The following WWOX variants were observed in gnomAD, a reference collection of about 807,000 sequenced individuals.
WWOX encodes WW domain-containing oxidoreductase.
Under a neutral mutation model 46.2 loss-of-function variants are expected in WWOX, and 69 were observed. The observed-to-expected ratio is 1.49, with a 90% CI of 1.23 to 1.82. The LOEUF (loss-of-function observed/expected upper bound fraction) is 1.82. Among genes scored for constraint, WWOX ranks in the 40% most tolerant of loss-of-function variants. WWOX has a pLI of 0.00. For missense variants in WWOX, 919 were observed against 542.6 expected (o/e 1.69, Z -6.89); for synonymous variants, 359 against 202.6 (o/e 1.77, Z -6.56).
chr16:79,081,037 C>T (rs536607324), intron 8 of WWOX, among the ~76,000 whole-genome samples: 5 of 152,252 alleles, frequency 3.3e-5, no homozygotes, highest in Non-Finnish European at 7.4e-5. Flanking sequence ...TTACTTCTCA[C>T]TCATAGATTT....
At chr16:79,090,419 C>A (rs935590281) in intron 8 of WWOX, among the ~76,000 whole-genome samples, 2 of 152,028 alleles carry the variant, frequency 1.3e-5, no homozygotes, top group Non-Finnish European at 2.9e-5. Flanking sequence ...TTCTGGAGGG[C>A]CCTCTATGTG....
At chr16:78,253,227 A>C (rs1246447798) in intron 5 of WWOX, among the ~76,000 whole-genome samples, 1 of 152,154 alleles carries the variant, frequency 6.6e-6, no homozygotes, top group Non-Finnish European at 1.5e-5. Flanking sequence ...CCTGCTTCTA[A>C]AGTTATAAGT....
intron 8 of WWOX, among the ~76,000 whole-genome samples, chr16:79,080,640 G>T (rs529978163): frequency 6.6e-6 from 1 of 152,174 alleles, no homozygotes; most frequent in East Asian, 1.9e-4. Context: ...ATTTGGTCCA[G>T]TCATCTGTAT....
chr16:79,039,279 C>T (rs925836329), intron 8 of WWOX, among the ~76,000 whole-genome samples: 7 of 152,112 alleles, frequency 4.6e-5, no homozygotes, highest in Admixed American at 4.6e-4. Context: ...AAGCCATTAA[C>T]CTCTCTGCGC....
intron 8 of WWOX, among the ~76,000 whole-genome samples, chr16:79,117,760 G>A (rs867246969): frequency 1.3e-5 from 2 of 152,186 alleles, no homozygotes; most frequent in East Asian, 1.9e-4. Flanking sequence ...TTATGGAGAC[G>A]GCTTTCTTCC....
chr16:78,952,452 A>G (rs1162304759), intron 8 of WWOX, among the ~76,000 whole-genome samples: 1 of 148,170 alleles, frequency 6.7e-6, no homozygotes, highest in African/African-American at 2.5e-5. Flanking sequence ...GCACGATCTT[A>G]GCTCACTGCA....
intron 8 of WWOX, among the ~76,000 whole-genome samples, chr16:78,821,432 G>A (rs12443743): frequency 0.16 from 23,892 of 151,950 alleles, 1,970 homozygotes; most frequent in Admixed American, 0.23. Flanking sequence ...TTGAAAACCC[G>A]GTGGCTAATA....
At chr16:78,278,704 T>A (rs752644285) in intron 5 of WWOX, 1 of 1,539,862 alleles carries the variant, frequency 6.5e-7, no homozygotes, top group Admixed American at 1.7e-5. Flanking sequence ...ATCAATTACA[T>A]CTTCTTTTGT....
intron 4 of WWOX, among the ~76,000 whole-genome samples, chr16:78,150,174 C>G (rs1428116625): frequency 6.6e-6 from 1 of 152,134 alleles, no homozygotes; most frequent in Non-Finnish European, 1.5e-5. Flanking sequence ...GCTATAATGG[C>G]TCATAAAACT....
intron 8 of WWOX, among the ~76,000 whole-genome samples, chr16:79,133,943 C>A (rs1461516457): frequency 6.6e-6 from 1 of 152,046 alleles, no homozygotes; most frequent in South Asian, 2.1e-4. Context: ...TCAGTGAATT[C>A]AGGCAAGTCC....
intron 5 of WWOX, among the ~76,000 whole-genome samples, chr16:78,202,317 T>C (rs922787559): frequency 1.3e-4 from 20 of 152,198 alleles, no homozygotes; most frequent in African/African-American, 4.8e-4. Context: ...GAATGAAGGG[T>C]GGTTCTCCAA....
At chr16:78,427,773 A>G (rs547619296) in intron 7 of WWOX, among the ~76,000 whole-genome samples, 27 of 149,840 alleles carry the variant, frequency 1.8e-4, no homozygotes, top group African/African-American at 6.4e-4. Context: ...GTGAGACCCC[A>G]TCTCTAAAAT....
chr16:79,102,050 G>A (rs112570944), intron 8 of WWOX, among the ~76,000 whole-genome samples: 1 of 125,974 alleles, frequency 7.9e-6, no homozygotes, highest in African/African-American at 3.0e-5. Flanking sequence ...GGGGGGCAGG[G>A]AGTAGGGGGG....
At chr16:78,928,752 T>C (rs1290034130) in intron 8 of WWOX, among the ~76,000 whole-genome samples, 1 of 152,176 alleles carries the variant, frequency 6.6e-6, no homozygotes, top group African/African-American at 2.4e-5. Flanking sequence ...TTGCTGTGTT[T>C]CTGTGATGTG....
chr16:78,648,886 C>T (rs968947792), intron 8 of WWOX, among the ~76,000 whole-genome samples: 8 of 152,200 alleles, frequency 5.3e-5, no homozygotes, highest in African/African-American at 1.9e-4. Context: ...TTTATTTTTA[C>T]ACTAGCTTTG....
intron 8 of WWOX, among the ~76,000 whole-genome samples, chr16:78,699,830 A>G (rs971991718): frequency 2.0e-5 from 3 of 152,116 alleles, no homozygotes; most frequent in African/African-American, 4.8e-5. Flanking sequence ...ATTTATATCC[A>G]TGTAATATCA....
intron 8 of WWOX, among the ~76,000 whole-genome samples, chr16:78,458,164 C>T (rs76159521): frequency 0.018 from 2,726 of 151,916 alleles, 77 homozygotes; most frequent in African/African-American, 0.062. Context: ...AAGGTGTGTT[C>T]CATGATTTTG....
intron 8 of WWOX, among the ~76,000 whole-genome samples, chr16:78,573,444 C>T (rs1322949794): frequency 1.3e-5 from 2 of 152,152 alleles, no homozygotes; most frequent in Non-Finnish European, 2.9e-5. Context: ...TGGTATTACA[C>T]CCTGTGATTT....
In WWOX at chr16:78,725,709, C is replaced by G. The variant is rs577271058; in HGVS notation, c.1056+292957C>G. Among the ~76,000 whole-genome samples the G allele has an allele frequency of 3.2e-4, 49 of 152,132 alleles. No homozygotes were observed. In the South Asian group the frequency reaches 0.01, roughly 31 times the overall value. ...AACAGAAATGTATCATCTCACAGTT[C>G]TGAAAGTGAGAAGTCCAAAATCAAG... On this transcript the variant is annotated intron_variant, in intron 8 of 8. Transcript: ENST00000566780.
Sources: allele counts gnomAD v4.1 joint callset (sites outside exome capture counted in the v4.1 genomes callset), GRCh38; gene constraint gnomAD v4.1.1; transcripts MANE v1.5; gene names NCBI Gene and HGNC (gene_info 2026-07-23, HGNC 2026-07-21).